The following CSNK2A2 variants were observed in gnomAD, a reference collection of about 807,000 sequenced individuals.
CSNK2A2 encodes the protein casein kinase 2 alpha 2.
A neutral mutation model predicts 54.0 loss-of-function variants in CSNK2A2; 8 were observed. That is an observed-to-expected ratio of 0.15 (90% CI 0.09 to 0.27). The LOEUF (loss-of-function observed/expected upper bound fraction) is 0.27, where lower values mean the gene tolerates loss of function less well. Among genes scored for constraint, CSNK2A2 ranks in the 10% least tolerant of loss-of-function variants. The pLI is 1.00. For synonymous variants in CSNK2A2, 141 were observed against 153.9 expected (o/e 0.92, Z 0.62); for missense variants, 242 against 439.4 (o/e 0.55, Z 4.02).
chr16:58,171,300 G>T (rs1024986978), intron 5 of CSNK2A2, among the ~76,000 whole-genome samples: 2 of 152,114 alleles, frequency 1.3e-5, no homozygotes, highest in Non-Finnish European at 2.9e-5. Flanking sequence ...AAGGCGGGCA[G>T]ATCACGAGGT....
In CSNK2A2 at chr16:58,159,607, A is replaced by C. The variant is rs571803229; in HGVS notation, c.*18-1254T>G. 9.6e-4 allele frequency: 146 copies of C among 152,356 alleles called. 1 individual carries two copies. The highest frequency in any genetic ancestry group is 3.4e-3 in the African/African-American group (141 of 41,572). The allele number at this position is 152,356 out of a possible 1,614,324, so 9.4% of individuals were successfully genotyped here. On this transcript the variant is annotated intron_variant, in intron 11 of 11. Coordinates refer to ENST00000262506, the MANE Select transcript of CSNK2A2 (RefSeq NM_001896.4). ...TATTGTCAACATTTTTATTTAAGAA[A>C]ACAGGATTTAACATGGCATTTTTCT...
chr16:58,176,837 C>T (rs540201250), intron 4 of CSNK2A2, among the ~76,000 whole-genome samples: 2 of 152,356 alleles, frequency 1.3e-5, no homozygotes, highest in South Asian at 2.1e-4. Flanking sequence ...ATTCCTCACA[C>T]AGGGACTGGT....
In CSNK2A2 at chr16:58,158,201, G is replaced by A. The variant is rs972479494; in HGVS notation, c.*170C>T. The A allele has an allele frequency of 1.3e-5, 2 of 152,664 alleles. No homozygotes were observed. The highest frequency in any genetic ancestry group is 2.9e-5 in the Non-Finnish European group (2 of 68,070). The allele number at this position is 152,664 out of a possible 1,614,324, so 9.5% of individuals were successfully genotyped here. On this transcript the variant is annotated 3_prime_UTR_variant, in exon 12 of 12. Coordinates refer to ENST00000262506, the MANE Select transcript of CSNK2A2 (RefSeq NM_001896.4). ...CATTCGGAAGTGAGGTTTGATATAC[G>A]GTGGTGGGCTGCCCTTCGCTTGGTC... is the stretch of plus-strand genomic sequence containing the variant.
chr16:58,166,269 C>A (rs1277452967), intron 9 of CSNK2A2, among the ~76,000 whole-genome samples: 1 of 152,124 alleles, frequency 6.6e-6, no homozygotes, highest in African/African-American at 2.4e-5. Flanking sequence ...CAAACTAAGT[C>A]TCTTATTCAA....
intron 4 of CSNK2A2, among the ~76,000 whole-genome samples, chr16:58,179,082 C>T (rs921364529): frequency 1.3e-5 from 2 of 152,076 alleles, no homozygotes; most frequent in African/African-American, 4.8e-5. Flanking sequence ...CTTTGGTATA[C>T]TAAAAGTATT....
At chr16:58,174,395 C>T in intron 5 of CSNK2A2, 56 bp downstream of exon 5, 1 of 1,255,932 alleles carries the variant, frequency 8.0e-7, no homozygotes, top group Non-Finnish European at 1.1e-6. Context: ...CTCTCAAAAA[C>T]TTATCTTTTA....
At chr16:58,183,717 T>G (rs2142438610) in intron 4 of CSNK2A2, among the ~76,000 whole-genome samples, 1 of 152,326 alleles carries the variant, frequency 6.6e-6, no homozygotes, top group Non-Finnish European at 1.5e-5. Context: ...AAACCATGAT[T>G]TAAAAAGAAC....
chr16:58,175,501 G>C (rs1470052396), intron 4 of CSNK2A2, among the ~76,000 whole-genome samples: 2 of 151,996 alleles, frequency 1.3e-5, no homozygotes, highest in African/African-American at 2.4e-5. Flanking sequence ...TCTGTAATAA[G>C]GGGGAAAATA....
intron 10 of CSNK2A2, among the ~76,000 whole-genome samples, 197 bp downstream of exon 10, chr16:58,165,363 T>C (rs1373387304): frequency 6.6e-6 from 1 of 152,194 alleles, no homozygotes; most frequent in South Asian, 2.1e-4. Context: ...ATACATTCAG[T>C]GAATAAGCAA....
At chr16:58,174,098 T>C (rs1961812807) in intron 5 of CSNK2A2, 1 of 166,388 alleles carries the variant, frequency 6.0e-6, no homozygotes, top group Non-Finnish European at 1.3e-5. Context: ...GCTAACTCAA[T>C]TATAAGAAAC....
At chr16:58,195,471 GA>G (rs1482836367) in intron 2 of CSNK2A2, among the ~76,000 whole-genome samples, 1 of 151,804 alleles carries the variant, frequency 6.6e-6, no homozygotes. Flanking sequence ...CTAGCACACA[GA>G]AACAGCTTTT....
At chr16:58,167,186 A>T in intron 8 of CSNK2A2, 21 bp downstream of exon 8, 1 of 1,577,252 alleles carries the variant, frequency 6.3e-7, no homozygotes, top group South Asian at 1.1e-5. Flanking sequence ...AATAAATAAG[A>T]ACCAGAAAGC....
chr16:58,197,757 G>C lies in CSNK2A2; in HGVS notation c.-21C>G. The C allele has an allele frequency of 9.4e-7, 1 of 1,063,410 alleles. No homozygotes were observed. Among genetic ancestry groups the C allele is most frequent in the South Asian group, 2.5e-5 (1 of 39,768 alleles). 65.9% of individuals were successfully genotyped at this position (1,063,410 alleles called of 1,614,324 possible). On this transcript the variant is annotated 5_prime_UTR_variant, in exon 1 of 12. Transcript: ENST00000262506. This position sits in a 1 kb window ranked among gnomAD's most constrained non-coding sequence, Gnocchi z 4.0. ...GGCATGGCGGGCGGGACCGGGGGGCGGCGCGGGGCGCAGAGGGTGGCGGCG... is the reference window on the plus strand; with the variant it reads ...GGCATGGCGGGCGGGACCGGGGGGCCGCGCGGGGCGCAGAGGGTGGCGGCG...
At chr16:58,166,292 C>T (rs1164780389) in intron 9 of CSNK2A2, among the ~76,000 whole-genome samples, 2 of 152,194 alleles carry the variant, frequency 1.3e-5, no homozygotes. Context: ...AATCATTGCT[C>T]TCCAAGTTTG....
chr16:58,186,721 T>G, intron 3 of CSNK2A2, 34 bp downstream of exon 3: 1 of 1,492,608 alleles, frequency 6.7e-7, no homozygotes, highest in South Asian at 1.1e-5. Context: ...CACCCCGGTC[T>G]ACTAGTATAC....
intron 2 of CSNK2A2, among the ~76,000 whole-genome samples, chr16:58,189,797 G>A (rs565768455): frequency 6.6e-6 from 1 of 152,228 alleles, no homozygotes; most frequent in South Asian, 2.1e-4. Context: ...CCACAGTCCA[G>A]GACACTTCCC....
At chr16:58,159,795 T>A (rs1961272322) in intron 11 of CSNK2A2, 1 of 152,218 alleles carries the variant, frequency 6.6e-6, no homozygotes, top group African/African-American at 2.4e-5. Flanking sequence ...CCTTGAAGAT[T>A]ATCCAAGTTT....
At chr16:58,159,358 G>T (rs545473439) in intron 11 of CSNK2A2, among the ~76,000 whole-genome samples, 1 of 152,190 alleles carries the variant, frequency 6.6e-6, no homozygotes, top group Non-Finnish European at 1.5e-5. Context: ...ATCCCAAGAG[G>T]CAGGTGTCTG....
chr16:58,177,620 TCA>T (rs1433828621), intron 4 of CSNK2A2, among the ~76,000 whole-genome samples: 1 of 152,170 alleles, frequency 6.6e-6, no homozygotes, highest in Admixed American at 6.5e-5. Context: ...TCAGGAAGAT[TCA>T]CACTTTTATA....
Sources: gnomAD v4.1 joint callset for allele counts (sites outside exome capture counted in the v4.1 genomes callset) on GRCh38, gnomAD v4.1.1 for gene constraint, Gnocchi (gnomAD v3.1) non-coding constraint, MANE v1.5 for transcripts, NCBI Gene and HGNC (gene_info 2026-07-23, HGNC 2026-07-21) for gene names.